ANKRD27: variants seen among roughly 807,000 people sequenced by gnomAD.
ANKRD27 encodes the protein ankyrin repeat domain 27.
A neutral mutation model predicts 129.7 loss-of-function variants in ANKRD27; 112 were observed. The ratio of observed to expected loss-of-function variants is 0.86; its 90% CI spans 0.74 to 1.01. ANKRD27 has a LOEUF of 1.01. Ranked by LOEUF, ANKRD27 falls within the 50% of genes least tolerant of loss-of-function variation. ANKRD27 has a pLI of 0.00. For missense variants in ANKRD27, 1,258 were observed against 1,300.5 expected, an observed-to-expected ratio of 0.97 and a Z score of 0.50; for synonymous variants, 516 against 511.2, an observed-to-expected ratio of 1.01 and a Z score of -0.13.
chr19:32,604,503 C>A, intron 24 of ANKRD27, 79 bp from the exon 25 acceptor site: 1 of 1,316,544 alleles, frequency 7.6e-7, no homozygotes, highest in Non-Finnish European at 1.0e-6. Flanking sequence ...TACAGGTATT[C>A]GCTATAAAAC....
At chr19:32,634,857 T>C (rs948385670) in intron 12 of ANKRD27, among the ~76,000 whole-genome samples, 10 of 151,990 alleles carry the variant, frequency 6.6e-5, no homozygotes, top group African/African-American at 1.5e-4. Context: ...GGAGGTTGCA[T>C]TGAGCTGAGA....
Position 32,631,427 on chromosome 19 carries a change from G to A in ANKRD27, c.1184C>T (p.Ser395Leu), listed in dbSNP as rs201398434. Residue 395 changes from serine to leucine, a missense_variant, in exon 13 of 29, where the codon TCG (serine) becomes TTG (leucine). By Grantham distance (145) the Ser-to-Leu change is moderately radical (BLOSUM62 -2). Coordinates refer to ENST00000306065, the MANE Select transcript of ANKRD27 (RefSeq NM_032139.3). ...QRMSLLSQMT[S>L]SPTDCLFKHI... ...CTTAAACAGGCAGTCGGTGGGAGAC[G>A]AAGTCATCTGAGAGAGTAAGCTCAT... 35 of 1,613,960 alleles carry A rather than the reference G, an allele frequency of 2.2e-5. No individual in the cohort carries two copies. Among genetic ancestry groups the A allele is most frequent in the East Asian group, 6.7e-5 (3 of 44,888 alleles).
intron 2 of ANKRD27, among the ~76,000 whole-genome samples, chr19:32,655,777 G>C (rs1176440310): frequency 1.3e-5 from 2 of 152,102 alleles, no homozygotes; most frequent in African/African-American, 2.4e-5. Context: ...CAGCACTTTG[G>C]GAGGCCAAGG....
intron 2 of ANKRD27, among the ~76,000 whole-genome samples, chr19:32,651,843 G>A (rs1216933950): frequency 6.6e-6 from 1 of 152,194 alleles, no homozygotes; most frequent in East Asian, 1.9e-4. Context: ...GGTGCCCAGT[G>A]CATGTTTACT....
intron 27 of ANKRD27, 28 bp from the exon 28 acceptor site, chr19:32,599,804 T>C: frequency 6.2e-7 from 1 of 1,608,346 alleles, no homozygotes; most frequent in Non-Finnish European, 8.5e-7. Flanking sequence ...CGAAAATAAA[T>C]ATTTGGGACA....
intron 1 of ANKRD27, among the ~76,000 whole-genome samples, chr19:32,664,339 T>C (rs1231176718): frequency 2.0e-5 from 3 of 151,304 alleles, no homozygotes; most frequent in Non-Finnish European, 4.4e-5. Flanking sequence ...TTAAAAGTTA[T>C]TGGCTGGGCA....
At chr19:32,627,307 G>A (rs1297795497) in intron 15 of ANKRD27, among the ~76,000 whole-genome samples, 1 of 152,056 alleles carries the variant, frequency 6.6e-6, no homozygotes, top group Non-Finnish European at 1.5e-5. Flanking sequence ...TGGGAGACAG[G>A]GATGGCCGGG....
intron 28 of ANKRD27, among the ~76,000 whole-genome samples, chr19:32,599,138 C>T (rs142042270): frequency 0.018 from 2,685 of 152,198 alleles, 79 homozygotes; most frequent in African/African-American, 0.062. Context: ...AAAAATTAGC[C>T]AGGAATAGTG....
rs1013296442 is a variant in ANKRD27 at position 32,600,366 on chromosome 19, C to G, written c.2768-316G>C. ...ACCAGCCTGGGCAACATGGAGAAAC[C>G]CCATCTCTACCCAAAATACAAAAAC... On this transcript the variant is annotated intron_variant, in intron 26 of 28. Coordinates refer to ENST00000306065, the MANE Select transcript of ANKRD27 (RefSeq NM_032139.3). 8 of 202,336 alleles carry G rather than the reference C, an allele frequency of 4.0e-5. No homozygotes were observed. In the Admixed American group the frequency reaches 4.1e-4, roughly 10 times the overall value. The allele number at this position is 202,336 out of a possible 1,614,324, so 12.5% of individuals were successfully genotyped here. A position where few individuals can be genotyped will look rare whatever the true frequency, so the allele number is the denominator to read the frequency against.
chr19:32,624,761 C>T (rs978775864), intron 17 of ANKRD27, among the ~76,000 whole-genome samples: 2 of 151,270 alleles, frequency 1.3e-5, no homozygotes, highest in Non-Finnish European at 2.9e-5. Flanking sequence ...GGCAACATGG[C>T]GAAACCCTTT....
At chr19:32,606,710 G>A (rs1971744937) in intron 23 of ANKRD27, among the ~76,000 whole-genome samples, 1 of 151,842 alleles carries the variant, frequency 6.6e-6, no homozygotes, top group African/African-American at 2.4e-5. Context: ...CTAGGTGTTG[G>A]CGAGAGAGAT....
rs199651723 is a variant in ANKRD27, at chr19:32,668,496, C to T, written c.-31+6575G>A. 9.2e-5 allele frequency among the ~76,000 whole-genome samples: 13 copies of T among 141,722 alleles called. No homozygotes were observed. The East Asian group carries it at 1.5e-3, about 16-fold the overall frequency. 93.0% of individuals were successfully genotyped at this position (141,722 alleles called of 152,430 possible). On this transcript the variant is annotated intron_variant, in intron 1 of 28. Transcript: ENST00000306065. ...TCATCTTTTTTTTTTTTTTTTGAGA[C>T]GGGTCTTGCTCTATCACTCACACTG...
intron 4 of ANKRD27, among the ~76,000 whole-genome samples, chr19:32,645,879 G>A (rs534853812): frequency 8.6e-5 from 13 of 151,882 alleles, no homozygotes; most frequent in Middle Eastern, 3.4e-3. Context: ...CAGGTAATCC[G>A]CCCACCTCGG....
rs752873029 is a variant in ANKRD27 at position 32,628,778 on chromosome 19, G to T, written c.1281C>A (p.Val427=). 6.2e-7 allele frequency: 1 copy of T among 1,614,132 alleles called. No individual in the cohort carries two copies. The highest frequency in any genetic ancestry group is 1.1e-5 in the South Asian group (1 of 91,070). The part of the protein sequence containing the change: ...LSQEDHDKDT[V]QKMCHPLCFC... ...AGCAGAGAGGGTGACACATCTTTTG[G>T]ACGGTATCTTTATCATGGTCCTCTT... is the stretch of plus-strand genomic sequence containing the variant. The change falls in exon 14 of 29, where the codon GTC becomes GTA. Residue 427 remains valine (V), a synonymous_variant. Transcript: ENST00000306065.
intron 12 of ANKRD27, 176 bp downstream of exon 12, chr19:32,639,180 G>A: frequency 1.5e-6 from 1 of 672,268 alleles, no homozygotes; most frequent in African/African-American, 1.8e-5. Context: ...ACCACCAATT[G>A]AGGGCTTGGT....
At chr19:32,667,722 C>T (rs907908379) in intron 1 of ANKRD27, among the ~76,000 whole-genome samples, 2 of 151,510 alleles carry the variant, frequency 1.3e-5, no homozygotes, top group African/African-American at 4.8e-5. Context: ...ATCTCAGCTA[C>T]TCAGGAGGCT....
chr19:32,674,812 A>C (rs1275157455), intron 1 of ANKRD27, among the ~76,000 whole-genome samples: 1 of 151,822 alleles, frequency 6.6e-6, no homozygotes, highest in African/African-American at 2.4e-5. Flanking sequence ...CGGAGGGTGC[A>C]TTCTCCGCGC....
chr19:32,602,105 G>A lies in ANKRD27; in HGVS notation c.2677C>T (p.Leu893Phe). Residue 893 changes from leucine (L) to phenylalanine (F), a missense_variant, in exon 26 of 29, where the codon CTT (leucine) becomes TTT (phenylalanine). Coordinates refer to ENST00000306065, the MANE Select transcript of ANKRD27 (RefSeq NM_032139.3). The part of the protein sequence containing the change: ...AEQNSKIMEL[L>F]QVVPSCVASL... Reference sequence around the variant, plus strand: ...GCAACACAGCTTGGTACCACCTGAAGCAATTCCATTATTTTTGAATTCTGC... The same window carrying A: ...GCAACACAGCTTGGTACCACCTGAAACAATTCCATTATTTTTGAATTCTGC... 6.2e-7 allele frequency: 1 copy of A among 1,612,268 alleles called. No individual in the cohort carries two copies. Among genetic ancestry groups the A allele is most frequent in the Non-Finnish European group, 8.5e-7 (1 of 1,178,906 alleles).
chr19:32,639,985 G>A (rs934263842), intron 11 of ANKRD27, among the ~76,000 whole-genome samples: 4 of 151,496 alleles, frequency 2.6e-5, no homozygotes, highest in African/African-American at 7.3e-5. Flanking sequence ...TTTTTGAGAC[G>A]GAGTCTCGCT....
Sources: allele counts gnomAD v4.1 joint callset (sites outside exome capture counted in the v4.1 genomes callset), GRCh38; gene constraint gnomAD v4.1.1; transcripts MANE v1.5; gene names NCBI Gene and HGNC (gene_info 2026-07-23, HGNC 2026-07-21).